DOCK6: variants seen among roughly 807,000 people sequenced by gnomAD.
DOCK6 encodes dedicator of cytokinesis 6, also known as dedicator of cytokinesis protein 6.
Under a neutral mutation model 230.3 loss-of-function variants are expected in DOCK6, and 167 were observed. That is an observed-to-expected ratio of 0.73 (90% confidence interval 0.64 to 0.82). The LOEUF (loss-of-function observed/expected upper bound fraction) is 0.82, where lower values mean the gene tolerates loss of function less well. DOCK6 is among the 40% of genes least tolerant of loss of function. DOCK6 has a pLI of 0.00. For missense variants in DOCK6, 2,598 were observed against 2,825.8 expected (o/e 0.92, Z 1.83); for synonymous variants, 1,148 against 1,185.0 (o/e 0.97, Z 0.64).
intron 28 of DOCK6, among the ~76,000 whole-genome samples, chr19:11,218,294 G>A (rs745390804): frequency 3.9e-5 from 6 of 151,908 alleles, no homozygotes; most frequent in Non-Finnish European, 4.4e-5. Flanking sequence ...TTACAGGTGC[G>A]CGCCACCGTG....
At position 11,202,733 on chromosome 19, in the gene DOCK6, G is replaced by A. The variant is rs1462408476; in HGVS notation, c.5236-24C>T. The A allele has an allele frequency of 6.2e-7, 1 of 1,612,536 alleles. No homozygotes were observed. Among genetic ancestry groups the A allele is most frequent in the Non-Finnish European group, 8.5e-7 (1 of 1,179,882 alleles). On this transcript the variant is annotated intron_variant, in intron 41 of 47. Transcript: ENST00000294618. The surrounding 1 kb of genome is among the most constrained non-coding windows in gnomAD (Gnocchi z 5.3). ...CGCTGGGGCTGTGAGAAAGGGTGTG[G>A]TTGTCCGGGAGGCCCCTGCTGGAGG...
chr19:11,213,145 G>T, intron 35 of DOCK6, 31 bp downstream of exon 35: 1 of 1,601,750 alleles, frequency 6.2e-7, no homozygotes, highest in Non-Finnish European at 8.5e-7. Context: ...CCAGAGCCAT[G>T]TGTGGACCAT....
Position 11,236,893 on chromosome 19 carries a change from G to A in DOCK6, c.2074-14C>T, listed in dbSNP as rs2079857788. 2 of 1,549,506 alleles carry A rather than the reference G, an allele frequency of 1.3e-6. No homozygotes were observed. The highest frequency in any genetic ancestry group is 8.7e-7 in the Non-Finnish European group (1 of 1,146,656). On this transcript the variant is annotated splice_polypyrimidine_tract_variant and intron_variant, in intron 18 of 47. Coordinates refer to ENST00000294618, the MANE Select transcript of DOCK6 (RefSeq NM_020812.4). The surrounding 1 kb of genome is among the most constrained non-coding windows in gnomAD (Gnocchi z 5.2). ...CGGAAGCGCCACCTGTGGGAGGGAG[G>A]CACCAGGTGGGCACTGGTCAGCCCT...
intron 24 of DOCK6, among the ~76,000 whole-genome samples, chr19:11,224,645 G>A (rs1358659052): frequency 6.6e-6 from 1 of 152,182 alleles, no homozygotes; most frequent in Non-Finnish European, 1.5e-5. Flanking sequence ...GGCAGGATGT[G>A]CCTAGCAAGT....
intron 1 of DOCK6, among the ~76,000 whole-genome samples, chr19:11,260,708 C>A (rs1218236057): frequency 1.3e-5 from 2 of 150,562 alleles, no homozygotes; most frequent in African/African-American, 2.4e-5. Context: ...CATGGTGAAA[C>A]CCCCTCTCTA....
At position 11,202,688 on chromosome 19, in the gene DOCK6, G is replaced by A. The variant is rs757887004; in HGVS notation, c.5257C>T (p.Arg1753Cys). Residue 1753 changes from arginine to cysteine, a missense_variant, in exon 42 of 48, where the codon CGC (arginine) becomes TGC (cysteine). Physicochemically the swap from Arg to Cys is radical, Grantham distance 180 (BLOSUM62 -3). Transcript: ENST00000294618. The surrounding 1 kb of genome is among the most constrained non-coding windows in gnomAD (Gnocchi z 5.3). ...AAGTGGGCGCCGTAGAAGCCCACGC[G>A]GAAATACGTCCCGAACACGCGCTGG... Reference protein sequence around the residue: ...GWERVFGTYFRVGFYGAHFGD... With the variant: ...GWERVFGTYFCVGFYGAHFGD... 9 of 1,613,870 alleles carry A rather than the reference G, an allele frequency of 5.6e-6. No individual in the cohort carries two copies. The highest frequency in any genetic ancestry group is 1.3e-5 in the African/African-American group (1 of 74,944).
intron 5 of DOCK6, 139 bp downstream of exon 5, chr19:11,251,980 A>C: frequency 7.7e-7 from 1 of 1,292,644 alleles, no homozygotes; most frequent in Admixed American, 2.1e-5. Context: ...ATGACCCCTA[A>C]CTTTTTACTC....
chr19:11,208,938 G>T lies in DOCK6; in HGVS notation c.4917C>A (p.His1639Gln). 6.3e-7 allele frequency: 1 copy of T among 1,597,618 alleles called. No homozygotes were observed. Among genetic ancestry groups the T allele is most frequent in the Non-Finnish European group, 8.6e-7 (1 of 1,167,188 alleles). Residue 1639 changes from histidine (H) to glutamine (Q), a missense_variant, in exon 38 of 48, where the codon CAC (histidine) becomes CAA (glutamine). By Grantham distance (24) the His-to-Gln change is conservative (BLOSUM62 0). Coordinates refer to ENST00000294618, the MANE Select transcript of DOCK6 (RefSeq NM_020812.4). ...GGAAGGAAACGCAGCCCACGGGCAG[G>T]TGGCGGTGGTCCTCGAGCAGGGCGA... ...EYLALLEDHRHLPVGCVSFQN... is the reference protein window; with the variant it reads ...EYLALLEDHRQLPVGCVSFQN...
At position 11,200,611 on chromosome 19, in the gene DOCK6, G is replaced by C; in HGVS notation, c.5939+105C>G. On this transcript the variant is annotated intron_variant, in intron 46 of 47. Coordinates refer to ENST00000294618, the MANE Select transcript of DOCK6 (RefSeq NM_020812.4). The surrounding 1 kb of genome is among the most constrained non-coding windows in gnomAD (Gnocchi z 4.3). ...GTCAGGTTGGGAGAGTGGACTTAATGGGAATCGGGCAGATGGGGGAGCCAT... is the reference window on the plus strand; with the variant it reads ...GTCAGGTTGGGAGAGTGGACTTAATCGGAATCGGGCAGATGGGGGAGCCAT... The C allele has an allele frequency of 6.7e-7, 1 of 1,494,698 alleles. No homozygotes were observed. 92.6% of individuals were successfully genotyped at this position (1,494,698 alleles called of 1,614,324 possible). A position where few individuals can be genotyped will look rare whatever the true frequency, so the allele number is the denominator to read the frequency against.
chr19:11,220,492 T>C (rs1287146020), intron 28 of DOCK6, among the ~76,000 whole-genome samples: 6 of 152,204 alleles, frequency 3.9e-5, no homozygotes, highest in African/African-American at 1.4e-4. Context: ...TGTTATCCTA[T>C]CTGCCTAAGA....
rs772760976 is a variant in DOCK6, at chr19:11,202,061, G to A, written c.5516C>T (p.Thr1839Ile). The A allele has an allele frequency of 2.5e-6, 4 of 1,613,892 alleles. No individual in the cohort carries two copies. Among genetic ancestry groups the A allele is most frequent in the South Asian group, 1.1e-5 (1 of 91,090 alleles). Reference protein sequence around the residue: ...FDTYELKDRVTYFDRNYGLRT... With the variant: ...FDTYELKDRVIYFDRNYGLRT... Reference sequence around the variant, plus strand: ...AAGCCCATAGTTGCGGTCAAAGTAGGTCACCCGGTCCTTGAGCTCGTAGGT... The same window carrying A: ...AAGCCCATAGTTGCGGTCAAAGTAGATCACCCGGTCCTTGAGCTCGTAGGT... The change falls in exon 44 of 48, where the codon ACC becomes ATC. Residue 1839 changes from threonine (T) to isoleucine (I), a missense_variant. Physicochemically the swap from Thr to Ile is moderately conservative, Grantham distance 89. Transcript: ENST00000294618. The surrounding 1 kb of genome is among the most constrained non-coding windows in gnomAD (Gnocchi z 5.3).
At chr19:11,199,678 G>T in intron 47 of DOCK6, 139 bp from the exon 48 acceptor site, 1 of 932,640 alleles carries the variant, frequency 1.1e-6, no homozygotes, top group Non-Finnish European at 1.7e-6. Context: ...TGATCTGGCT[G>T]TGGGATTCTC....
chr19:11,200,557 C>T lies in DOCK6; in HGVS notation c.5940-88G>A. On this transcript the variant is annotated intron_variant, in intron 46 of 47. Coordinates refer to ENST00000294618, the MANE Select transcript of DOCK6 (RefSeq NM_020812.4). The surrounding 1 kb of genome is among the most constrained non-coding windows in gnomAD (Gnocchi z 4.3). ...GGTGGGGGCACCCATAAGGCGGGAC[C>T]AGGCCTGCAGAAAGACCCGCAATAG... 3 of 1,544,128 alleles carry T rather than the reference C, an allele frequency of 1.9e-6. No individual in the cohort carries two copies. Among genetic ancestry groups the T allele is most frequent in the South Asian group, 2.4e-5 (2 of 84,440 alleles).
In DOCK6 at chr19:11,260,882, C is replaced by CAAAAA. The variant is rs59900669; in HGVS notation, c.44+1510_44+1514dup. 1.8e-3 allele frequency among the ~76,000 whole-genome samples: 112 copies of CAAAAA among 61,766 alleles called. 5 individuals are homozygous for CAAAAA. The highest frequency in any genetic ancestry group is 0.023 in the Middle Eastern group (2 of 86). The allele number at this position is 61,766 out of a possible 152,430, so 40.5% of individuals were successfully genotyped here. ...TGGGTGACAGAGCGAGACTCTGTCT[C>CAAAAA]AAAAAAAAAAAAAGAAAGAAAGAAA... On this transcript the variant is annotated intron_variant, in intron 1 of 47. Coordinates refer to ENST00000294618, the MANE Select transcript of DOCK6 (RefSeq NM_020812.4).
chr19:11,199,586 C>A, intron 47 of DOCK6, 47 bp from the exon 48 acceptor site: 1 of 1,537,382 alleles, frequency 6.5e-7, no homozygotes, highest in Non-Finnish European at 8.8e-7. Flanking sequence ...GGGCCCCCAA[C>A]TCCATAGACC....
chr19:11,252,287 G>A (rs775180458), intron 4 of DOCK6, 39 bp from the exon 5 acceptor site: 10 of 1,568,008 alleles, frequency 6.4e-6, no homozygotes, highest in East Asian at 2.3e-5. Context: ...GGAGGGCTGA[G>A]GGCCCCCAGG....
chr19:11,215,533 G>T, intron 31 of DOCK6, 62 bp from the exon 32 acceptor site: 1 of 1,499,876 alleles, frequency 6.7e-7, no homozygotes, highest in South Asian at 1.2e-5. Context: ...TGAACATCAG[G>T]AGAAATGCAC....
rs1397052774 is a variant in DOCK6 at position 11,222,532 on chromosome 19, A to C, written c.3240+203T>G. Among the ~76,000 whole-genome samples, 1 of 152,086 alleles carries C rather than the reference A, an allele frequency of 6.6e-6. No homozygotes were observed. Among genetic ancestry groups the C allele is most frequent in the Non-Finnish European group, 1.5e-5 (1 of 68,012 alleles). The stretch of plus-strand genomic sequence containing the variant: ...CTGGGAGTTAGGATTTAGGGGAGAG[A>C]AATCAGAGGTTAGTCCTTCTGGGAA... On this transcript the variant is annotated intron_variant, in intron 26 of 47. Transcript: ENST00000294618. This position sits in a 1 kb window ranked among gnomAD's most constrained non-coding sequence, Gnocchi z 4.0.
rs1432201729 is a variant in DOCK6 at position 11,260,728 on chromosome 19, CA to C, written c.44+1668del. On this transcript the variant is annotated intron_variant, in intron 1 of 47. Coordinates refer to ENST00000294618, the MANE Select transcript of DOCK6 (RefSeq NM_020812.4). ...TGAAACCCCCTCTCTACTAAAAATA[CA>C]AAAATTAGCTGGGTGTGGTAGTGGG... 1.9e-4 allele frequency among the ~76,000 whole-genome samples: 28 copies of C among 150,456 alleles called. No homozygotes were observed. The South Asian group carries it at 4.4e-3, about 24-fold the overall frequency.
Sources: allele counts gnomAD v4.1 joint callset (sites outside exome capture counted in the v4.1 genomes callset), GRCh38; gene constraint gnomAD v4.1.1; non-coding constraint Gnocchi (gnomAD v3.1); transcripts MANE v1.5; gene names NCBI Gene and HGNC (gene_info 2026-07-23, HGNC 2026-07-21).